Variants in SLCO6A1 observed in about 807,000 individuals in gnomAD.
The protein encoded by SLCO6A1 is solute carrier organic anion transporter family member 6A1.
Under a neutral mutation model 72.7 loss-of-function variants are expected in SLCO6A1, and 65 were observed. The observed-to-expected ratio is 0.89, with a 90% CI of 0.73 to 1.10. The LOEUF (loss-of-function observed/expected upper bound fraction) is 1.10, where lower values mean the gene tolerates loss of function less well. Ranked by LOEUF, SLCO6A1 falls within the 50% of genes least tolerant of loss-of-function variation. The probability of loss-of-function intolerance (pLI) is 0.00; values close to 1 mark genes in which losing one functional copy is unlikely to be tolerated. For missense variants in SLCO6A1, 874 were observed against 872.6 expected (o/e 1.00, Z -0.02); for synonymous variants, 314 against 298.2 (o/e 1.05, Z -0.55).
intron 7 of SLCO6A1, among the ~76,000 whole-genome samples, chr5:102,427,305 C>A (rs566505132): frequency 6.6e-6 from 1 of 151,888 alleles, no homozygotes; most frequent in East Asian, 1.9e-4. Context: ...CCAAAACAAA[C>A]AAAAGACAAT....
At chr5:102,480,725 T>C (rs1752151542) in intron 1 of SLCO6A1, among the ~76,000 whole-genome samples, 1 of 152,184 alleles carries the variant, frequency 6.6e-6, no homozygotes, top group African/African-American at 2.4e-5. Flanking sequence ...TTTGTTTTTA[T>C]GTATTGCATT....
chr5:102,453,397 G>T (rs1162778590), intron 6 of SLCO6A1, among the ~76,000 whole-genome samples: 2 of 151,420 alleles, frequency 1.3e-5, no homozygotes, highest in Non-Finnish European at 2.9e-5. Context: ...AAATTCTTTT[G>T]AACATTCTTA....
chr5:102,460,738 T>A (rs1750982233), intron 4 of SLCO6A1, among the ~76,000 whole-genome samples: 1 of 151,868 alleles, frequency 6.6e-6, no homozygotes, highest in African/African-American at 2.4e-5. Context: ...CAAGATCTGG[T>A]GAACAACTTC....
At position 102,458,410 on chromosome 5, in the gene SLCO6A1, T is replaced by C. The variant is rs1178403814; in HGVS notation, c.1103A>G (p.Asn368Ser). The change falls in exon 6 of 14, where the codon AAT becomes AGT. Residue 368 changes from asparagine (N) to serine (S), a missense_variant. Transcript: ENST00000506729. ...AAGAGCAGCACATAAATCCTTGATA[T>C]TAGTTCCAAGTTTCAGATCTTTAAG... ...SRLKDLKLGT[N>S]IKDLCAALWI... The C allele has an allele frequency of 6.2e-7, 1 of 1,612,294 alleles. No homozygotes were observed. The highest frequency in any genetic ancestry group is 1.7e-5 in the Admixed American group (1 of 59,804).
At chr5:102,405,016 A>T (rs1012018618) in intron 9 of SLCO6A1, among the ~76,000 whole-genome samples, 2 of 152,176 alleles carry the variant, frequency 1.3e-5, no homozygotes, top group Admixed American at 6.5e-5. Context: ...CAACACAGGA[A>T]CATGAATTTA....
intron 9 of SLCO6A1, among the ~76,000 whole-genome samples, chr5:102,406,461 A>G (rs1051191255): frequency 7.2e-5 from 11 of 152,110 alleles, no homozygotes; most frequent in African/African-American, 2.7e-4. Context: ...TTAATACACA[A>G]CACAAAAATA....
chr5:102,410,509 T>C (rs916845739), intron 9 of SLCO6A1, among the ~76,000 whole-genome samples: 9 of 152,180 alleles, frequency 5.9e-5, no homozygotes, highest in Non-Finnish European at 1.2e-4. Flanking sequence ...TTTCAAAGAA[T>C]GGATCCATAC....
rs1391388146 is a variant in SLCO6A1, at chr5:102,480,271, A to C, written c.522T>G (p.Phe174Leu). Residue 174 changes from phenylalanine (F) to leucine (L), a missense_variant, in exon 2 of 14, where the codon TTT becomes TTG. By Grantham distance (22) the Phe-to-Leu change is conservative. Transcript: ENST00000506729. The stretch of plus-strand genomic sequence containing the variant: ...GTCCTATTAAAAAGGAGGAAGCTAC[A>C]AACCATATTACTTTTTTTCTGTCTC... ...FYGDRKKVIW[F>L]VASSFLIGLG... 1 of 1,613,438 alleles carries C rather than the reference A, an allele frequency of 6.2e-7. No homozygotes were observed. The highest frequency in any genetic ancestry group is 8.5e-7 in the Non-Finnish European group (1 of 1,179,652).
intron 11 of SLCO6A1, among the ~76,000 whole-genome samples, chr5:102,389,247 T>C (rs1286037358): frequency 1.3e-5 from 2 of 152,180 alleles, no homozygotes; most frequent in Non-Finnish European, 2.9e-5. Context: ...TGTATATCTG[T>C]TATTTATCAA....
At position 102,412,990 on chromosome 5, in the gene SLCO6A1, C is replaced by CT. The variant is rs866444182; in HGVS notation, c.1625dup (p.Met543AspfsTer9). The stretch of plus-strand genomic sequence containing the variant: ...CATAATAATTATAAAAAATAATTAC[C>CT]TTTTTTTGGTTTTGTGCTTTAGAAT... On this transcript the variant is annotated frameshift_variant and splice_region_variant, in exon 9 of 14. Coordinates refer to ENST00000506729, the MANE Select transcript of SLCO6A1 (RefSeq NM_173488.5). LOFTEE classifies it high-confidence loss of function. The CT allele has an allele frequency of 1.2e-5, 16 of 1,307,302 alleles. No individual in the cohort carries two copies. The highest frequency in any genetic ancestry group is 8.7e-5 in the East Asian group (3 of 34,666). 81.0% of individuals were successfully genotyped at this position (1,307,302 alleles called of 1,614,324 possible). A position where few individuals can be genotyped will look rare whatever the true frequency, so the allele number is the denominator to read the frequency against.
intron 7 of SLCO6A1, among the ~76,000 whole-genome samples, chr5:102,426,202 G>A (rs1467484852): frequency 6.6e-6 from 1 of 152,084 alleles, no homozygotes; most frequent in African/African-American, 2.4e-5. Context: ...TCAGGACATA[G>A]GCATGGGCAA....
At chr5:102,485,377 C>T (rs1752404050) in intron 1 of SLCO6A1, among the ~76,000 whole-genome samples, 1 of 152,096 alleles carries the variant, frequency 6.6e-6, no homozygotes, top group African/African-American at 2.4e-5. Flanking sequence ...AATATTCTAT[C>T]CAATAACAAT....
At chr5:102,380,955 T>A (rs1384637886) in intron 12 of SLCO6A1, among the ~76,000 whole-genome samples, 4 of 151,888 alleles carry the variant, frequency 2.6e-5, no homozygotes, top group Non-Finnish European at 5.9e-5. Flanking sequence ...TATAATGGTT[T>A]AATTGACAAA....
At chr5:102,385,765 G>C in intron 12 of SLCO6A1, among the ~76,000 whole-genome samples, 1 of 149,758 alleles carries the variant, frequency 6.7e-6, no homozygotes, top group East Asian at 1.9e-4. Flanking sequence ...TGAGCTTCAA[G>C]ATGACTAATT....
Position 102,388,759 on chromosome 5 carries a change from T to C in SLCO6A1, c.1946A>G (p.Asn649Ser). The stretch of plus-strand genomic sequence containing the variant: ...ACAACGTCCTGTGTGTCCACATTTA[T>C]TAACATCCCGTAAAATACAAGAAGT... ...GETSCILRDVNKCGHTGRCWI... is the reference protein window; with the variant it reads ...GETSCILRDVSKCGHTGRCWI... The change falls in exon 12 of 14, where the codon AAT becomes AGT. Residue 649 changes from asparagine (N) to serine (S), a missense_variant. Coordinates refer to ENST00000506729, the MANE Select transcript of SLCO6A1 (RefSeq NM_173488.5). The C allele has an allele frequency of 6.2e-7, 1 of 1,608,900 alleles. No homozygotes were observed. The highest frequency in any genetic ancestry group is 8.5e-7 in the Non-Finnish European group (1 of 1,178,250).
At chr5:102,376,435 T>G (rs1264806278) in intron 12 of SLCO6A1, among the ~76,000 whole-genome samples, 1 of 151,808 alleles carries the variant, frequency 6.6e-6, no homozygotes, top group Admixed American at 6.6e-5. Flanking sequence ...AGATCACCAA[T>G]GGAGGGGGAG....
In SLCO6A1 at chr5:102,414,504, T is replaced by C. The variant is rs1748164999; in HGVS notation, c.1473-1361A>G. On this transcript the variant is annotated intron_variant, in intron 8 of 13. Coordinates refer to ENST00000506729, the MANE Select transcript of SLCO6A1 (RefSeq NM_173488.5). The stretch of plus-strand genomic sequence containing the variant: ...AAAAACCTAAAGATGCCAATAAAAA[T>C]CTCTTAGATTTGATAAATGAATCCA... Among the ~76,000 whole-genome samples, 3 of 152,272 alleles carry C rather than the reference T, an allele frequency of 2.0e-5. No individual in the cohort carries two copies. In the South Asian group the frequency reaches 6.2e-4, roughly 32 times the overall value.
intron 7 of SLCO6A1, among the ~76,000 whole-genome samples, chr5:102,431,289 C>G (rs1749204361): frequency 6.6e-6 from 1 of 151,806 alleles, no homozygotes; most frequent in South Asian, 2.1e-4. Flanking sequence ...ATTTCTTTTC[C>G]TCCTCTAGCT....
chr5:102,424,518 G>A (rs1748785028), intron 7 of SLCO6A1, among the ~76,000 whole-genome samples: 1 of 151,898 alleles, frequency 6.6e-6, no homozygotes, highest in South Asian at 2.1e-4. Flanking sequence ...GTAGAAAATC[G>A]AGAATAAACT....
Sources: gnomAD v4.1 joint callset for allele counts (sites outside exome capture counted in the v4.1 genomes callset) on GRCh38, gnomAD v4.1.1 for gene constraint, MANE v1.5 for transcripts, NCBI Gene and HGNC (gene_info 2026-07-23, HGNC 2026-07-21) for gene names.